Variants in CTDP1 observed in about 807,000 individuals in gnomAD.
CTDP1 encodes the protein CTD phosphatase 1, also known as RNA polymerase II subunit A C-terminal domain phosphatase.
In CTDP1, 47 loss-of-function variants were observed where a neutral mutation model predicts 91.8. The ratio of observed to expected loss-of-function variants is 0.51; its 90% CI spans 0.41 to 0.65. The LOEUF is 0.65. Among genes scored for constraint, CTDP1 ranks in the 30% least tolerant of loss-of-function variants. The pLI is 0.00. For missense variants in CTDP1, 1,272 were observed against 1,373.7 expected (o/e 0.93, Z 1.17); for synonymous variants, 656 against 598.5 (o/e 1.10, Z -1.40).
intron 5 of CTDP1, among the ~76,000 whole-genome samples, chr18:79,707,128 G>C (rs550492812): frequency 6.6e-6 from 1 of 152,192 alleles, no homozygotes; most frequent in Non-Finnish European, 1.5e-5. Flanking sequence ...GGAAGGCTCG[G>C]ATCTGTTTAA....
intron 10 of CTDP1, among the ~76,000 whole-genome samples, chr18:79,725,533 T>G (rs2086428583): frequency 6.6e-6 from 1 of 152,052 alleles, no homozygotes; most frequent in African/African-American, 2.4e-5. Flanking sequence ...ATTTTTTTTT[T>G]GTTTGTTTTT....
At chr18:79,722,850 C>CTGCG (rs750815999) in intron 10 of CTDP1, among the ~76,000 whole-genome samples, 1 of 152,222 alleles carries the variant, frequency 6.6e-6, no homozygotes, top group African/African-American at 2.4e-5. Context: ...GGCCTTCGTG[C>CTGCG]TGCGGTGAGG....
At position 79,706,671 on chromosome 18, in the gene CTDP1, T is replaced by C. The variant is rs550531385; in HGVS notation, c.772+1754T>C. Among the ~76,000 whole-genome samples, 15 of 152,392 alleles carry C rather than the reference T, an allele frequency of 9.8e-5. No homozygotes were observed. In the South Asian group the frequency reaches 1.4e-3, roughly 15 times the overall value. ...TAAGAATTTATCCATCACGTTGTTATAAATCTTCATCATTTTATGTAAGAT... is the reference window on the plus strand; with the variant it reads ...TAAGAATTTATCCATCACGTTGTTACAAATCTTCATCATTTTATGTAAGAT... On this transcript the variant is annotated intron_variant, in intron 5 of 12. Coordinates refer to ENST00000613122, the MANE Select transcript of CTDP1 (RefSeq NM_004715.5).
intron 10 of CTDP1, among the ~76,000 whole-genome samples, chr18:79,718,563 G>A (rs1055740333): frequency 6.6e-6 from 1 of 152,186 alleles, no homozygotes; most frequent in Non-Finnish European, 1.5e-5. Context: ...CTGGAGTGGG[G>A]AGATTGCAGG....
intron 12 of CTDP1, among the ~76,000 whole-genome samples, chr18:79,738,546 GA>G (rs955279462): frequency 6.6e-6 from 1 of 152,246 alleles, no homozygotes; most frequent in Non-Finnish European, 1.5e-5. Flanking sequence ...CTGTGGTGAA[GA>G]AGACAGTGCA....
intron 6 of CTDP1, among the ~76,000 whole-genome samples, chr18:79,711,048 C>T (rs532779714): frequency 6.6e-6 from 1 of 152,082 alleles, no homozygotes; most frequent in South Asian, 2.1e-4. Context: ...CTGAAACTGC[C>T]CTTGAGCTGG....
At chr18:79,753,486 C>G (rs1223072567) in intron 12 of CTDP1, among the ~76,000 whole-genome samples, 166 bp from the exon 13 acceptor site, 1 of 152,252 alleles carries the variant, frequency 6.6e-6, no homozygotes, top group Non-Finnish European at 1.5e-5. Context: ...GCTGTCCACA[C>G]GTGTGTGACG....
chr18:79,691,050 C>T (rs2085610033), intron 1 of CTDP1, among the ~76,000 whole-genome samples: 1 of 152,198 alleles, frequency 6.6e-6, no homozygotes, highest in African/African-American at 2.4e-5. Context: ...ATTTCCAGCC[C>T]TCACCTGCTT....
intron 10 of CTDP1, among the ~76,000 whole-genome samples, chr18:79,721,559 G>A (rs568103332): frequency 6.6e-6 from 1 of 152,288 alleles, no homozygotes; most frequent in South Asian, 2.1e-4. Context: ...TCAGTACTGC[G>A]AACAGCACCT....
chr18:79,736,911 G>GGA (rs2122788467), intron 12 of CTDP1, among the ~76,000 whole-genome samples: 1 of 151,904 alleles, frequency 6.6e-6, no homozygotes, highest in South Asian at 2.1e-4. Context: ...GCAGGTGGGG[G>GGA]GTCTGCACGT....
chr18:79,678,000 G>GT (rs1358209345), upstream of CTDP1: 1 of 152,162 alleles, frequency 6.6e-6, no homozygotes, highest in Non-Finnish European at 1.5e-5. Flanking sequence ...AGCACCGCAC[G>GT]TTTTCCCTTG....
At position 79,720,601 on chromosome 18, in the gene CTDP1, T is replaced by A. The variant is rs546516551; in HGVS notation, c.2417+2585T>A. Among the ~76,000 whole-genome samples the A allele has an allele frequency of 3.3e-5, 5 of 152,394 alleles. No homozygotes were observed. The South Asian group carries it at 1.0e-3, about 32-fold the overall frequency. On this transcript the variant is annotated intron_variant, in intron 10 of 12. Transcript: ENST00000613122. ...GGTGATGTCACTTCCCATCGTGTTC[T>A]GGTGACGATGTCATCTCCTGTTAAG...
chr18:79,696,068 G>C lies in CTDP1; in HGVS notation c.490G>C (p.Glu164Gln). Residue 164 changes from glutamate (E) to glutamine (Q), a missense_variant and splice_region_variant, in exon 3 of 13, where the codon GAG (glutamate) becomes CAG (glutamine). Glu to Gln is a conservative substitution (Grantham distance 29). Around this residue, in one of 3 missense-constraint regions of CTDP1, gnomAD observed 177 missense variants for 283.0 expected, o/e 0.63. Transcript: ENST00000613122. ...CGTGCCGGAGTTGATGGTGAGCTCC[G>C]AGGTGAGCCGGGCATCAGTGGCGGC... ...HSVPELMVSS[E>Q]QAEQLGREDQ... 1 of 1,610,826 alleles carries C rather than the reference G, an allele frequency of 6.2e-7. No individual in the cohort carries two copies. Among genetic ancestry groups the C allele is most frequent in the Non-Finnish European group, 8.5e-7 (1 of 1,179,896 alleles).
intron 1 of CTDP1, among the ~76,000 whole-genome samples, chr18:79,693,620 C>T (rs1292502660): frequency 6.6e-6 from 1 of 152,158 alleles, no homozygotes; most frequent in Non-Finnish European, 1.5e-5. Flanking sequence ...GCACTGTGTA[C>T]GCACAGGCCC....
Position 79,714,909 on chromosome 18 carries a change from C to G in CTDP1, c.1449C>G (p.Gly483=). The part of the protein sequence containing the change: ...ASDGESEGKR[G]RQKPKAAPEG... ...ATGGCGAAAGCGAGGGGAAAAGAGG[C>G]CGGCAGAAGCCGAAGGCTGCCCCAG... Residue 483 remains glycine (G), a synonymous_variant, in exon 8 of 13, where the codon GGC becomes GGG. Transcript: ENST00000613122. 6.4e-7 allele frequency: 1 copy of G among 1,567,182 alleles called. No homozygotes were observed. The highest frequency in any genetic ancestry group is 2.3e-5 in the East Asian group (1 of 42,892).
intron 1 of CTDP1, chr18:79,683,262 T>C (rs752348280): frequency 6.6e-6 from 1 of 152,266 alleles, no homozygotes; most frequent in Non-Finnish European, 1.5e-5. Context: ...CTGAGATCTT[T>C]ATCTGGGAGA....
At chr18:79,699,566 GT>G (rs1177510983) in intron 4 of CTDP1, among the ~76,000 whole-genome samples, 5 of 148,438 alleles carry the variant, frequency 3.4e-5, no homozygotes, top group Non-Finnish European at 1.5e-5. Context: ...CCCGCCCAAG[GT>G]TTTTTTTTTA....
At chr18:79,744,343 C>T (rs991962621) in intron 12 of CTDP1, among the ~76,000 whole-genome samples, 6 of 152,200 alleles carry the variant, frequency 3.9e-5, no homozygotes, top group Non-Finnish European at 7.3e-5. Flanking sequence ...TGAGACCTGA[C>T]ACAGATACTT....
intron 4 of CTDP1, among the ~76,000 whole-genome samples, chr18:79,700,481 A>T (rs1309260592): frequency 6.6e-6 from 1 of 152,258 alleles, no homozygotes; most frequent in African/African-American, 2.4e-5. Flanking sequence ...CATTCCCTTA[A>T]GCCAAAGCCT....
Sources: allele counts gnomAD v4.1 joint callset (sites outside exome capture counted in the v4.1 genomes callset), GRCh38; gene constraint gnomAD v4.1.1; regional missense constraint gnomAD v4.1.1; transcripts MANE v1.5; gene names NCBI Gene and HGNC (gene_info 2026-07-23, HGNC 2026-07-21).